The following CALM2 variants were observed in gnomAD, a reference collection of about 807,000 sequenced individuals.
CALM2 encodes calmodulin 2.
A neutral mutation model predicts 19.8 loss-of-function variants in CALM2; 2 were observed. The ratio of observed to expected loss-of-function variants is 0.10; its 90% confidence interval spans 0.04 to 0.32. CALM2 has a LOEUF of 0.32. CALM2 is among the 10% of genes least tolerant of loss of function. CALM2 has a pLI of 1.00. For synonymous variants in CALM2, 51 were observed against 52.1 expected, an observed-to-expected ratio of 0.98 and a Z score of 0.09; for missense variants, 38 against 178.7, an observed-to-expected ratio of 0.21 and a Z score of 4.49.
chr2:47,162,170 TCAAAAA>T (rs1687177195), intron 4 of CALM2, 110 bp downstream of exon 4: 1 of 154,364 alleles, frequency 6.5e-6, no homozygotes, highest in Non-Finnish European at 1.1e-5. Flanking sequence ...TGGTAAATCA[TCAAAAA>T]AAAAAAAAAA....
Position 47,164,414 on chromosome 2 carries a change from GT to G in CALM2, c.35-1753del, listed in dbSNP as rs772398737. ...CTGGGTGTGGCAGCGTGGGCCTGTA[GT>G]CCCCCGTCTCTATTAAAACACAAAC... On this transcript the variant is annotated intron_variant, in intron 2 of 5. Transcript: ENST00000272298. 3.6e-5 allele frequency among the ~76,000 whole-genome samples: 5 copies of G among 139,120 alleles called. No homozygotes were observed. In the South Asian group the frequency reaches 6.7e-4, roughly 19 times the overall value. The allele number at this position is 139,120 out of a possible 152,430, so 91.3% of individuals were successfully genotyped here. A position where few individuals can be genotyped will look rare whatever the true frequency, so the allele number is the denominator to read the frequency against.
intron 1 of CALM2, among the ~76,000 whole-genome samples, chr2:47,175,831 C>T (rs1274764646): frequency 6.8e-6 from 1 of 147,916 alleles, no homozygotes; most frequent in Non-Finnish European, 1.5e-5. Flanking sequence ...CCCGCCCCCA[C>T]CGGCCGCTCC....
chr2:47,167,779 CTAAA>C (rs1355545507), intron 2 of CALM2: 1 of 31,054 alleles, frequency 3.2e-5, no homozygotes, highest in African/African-American at 1.2e-4. Flanking sequence ...GCACTTACAA[CTAAA>C]AAAAAAAAAA....
chr2:47,176,104 C>CCTCT (rs1666858377), intron 1 of CALM2: 1 of 348,976 alleles, frequency 2.9e-6, no homozygotes. Flanking sequence ...CTCTACGCTC[C>CCTCT]CTCTCTCCCT....
Position 47,162,529 on chromosome 2 carries a change from T to C in CALM2, c.168A>G (p.Val56=), listed in dbSNP as rs1687190264. 2 of 1,614,072 alleles carry C rather than the reference T, an allele frequency of 1.2e-6. No individual in the cohort carries two copies. The highest frequency in any genetic ancestry group is 2.2e-5 in the South Asian group (2 of 91,088). Residue 56 remains valine (V), a synonymous_variant, in exon 3 of 6, where the codon GTA becomes GTG. Transcript: ENST00000272298. ...AAATTGAAGACTTACCATCAGCATC[T>C]ACTTCATTAATCATGTCCTGTAACT... ...EAELQDMINE[V]DADGNGTIDF... is the part of the protein sequence containing the mutation.
intron 2 of CALM2, among the ~76,000 whole-genome samples, chr2:47,166,300 T>A (rs1271882975): frequency 6.6e-6 from 1 of 152,250 alleles, no homozygotes; most frequent in Non-Finnish European, 1.5e-5. Context: ...GGTATTTGTT[T>A]ATATTACATT....
intron 2 of CALM2, among the ~76,000 whole-genome samples, chr2:47,165,826 T>C (rs1358402255): frequency 6.6e-6 from 1 of 152,198 alleles, no homozygotes; most frequent in African/African-American, 2.4e-5. Context: ...CTAAAGGTAC[T>C]AGCAAAAGCC....
intron 5 of CALM2, 149 bp downstream of exon 5, chr2:47,161,574 C>T: frequency 1.6e-6 from 1 of 638,598 alleles, no homozygotes; most frequent in South Asian, 2.3e-5. Context: ...GCAGACAACA[C>T]TCTGAATTTT....
intron 1 of CALM2, chr2:47,173,632 G>C (rs773887188): frequency 3.9e-5 from 6 of 152,192 alleles, no homozygotes; most frequent in Non-Finnish European, 7.3e-5. Flanking sequence ...TACTGTTGGA[G>C]TTTATCTAGT....
rs755994751 is a variant in CALM2 at position 47,176,428 on chromosome 2, G to A, written c.3+13C>T. The stretch of plus-strand genomic sequence containing the variant: ...CCACAGGCCCAGCGCCGGCAGCTCA[G>A]CGATGCACTCACCATGCTGCAAGCG... On this transcript the variant is annotated intron_variant, in intron 1 of 5. Coordinates refer to ENST00000272298, the MANE Select transcript of CALM2 (RefSeq NM_001743.6). 1.2e-6 allele frequency: 2 copies of A among 1,613,180 alleles called. No homozygotes were observed. The highest frequency in any genetic ancestry group is 1.7e-6 in the Non-Finnish European group (2 of 1,179,912).
chr2:47,172,372 CTCAG>C (rs1666698821), intron 1 of CALM2: 1 of 523,066 alleles, frequency 1.9e-6, no homozygotes, highest in African/African-American at 2.0e-5. Flanking sequence ...TACTCCTCCT[CTCAG>C]TCAACTTCAT....
chr2:47,162,468 C>A (rs768087618), intron 3 of CALM2, 51 bp downstream of exon 3: 1 of 1,611,772 alleles, frequency 6.2e-7, no homozygotes, highest in Non-Finnish European at 8.5e-7. Flanking sequence ...GTGGAAACAT[C>A]TAAGTATCAC....
chr2:47,176,873 AGCC>A (rs1666893123), upstream of CALM2: 2 of 985,396 alleles, frequency 2.0e-6, no homozygotes, highest in African/African-American at 1.7e-5. Flanking sequence ...TGGGACTCGC[AGCC>A]GCCGCCGGGA....
intron 2 of CALM2, among the ~76,000 whole-genome samples, chr2:47,169,146 T>C (rs1036697480): frequency 2.0e-5 from 3 of 152,174 alleles, no homozygotes; most frequent in Non-Finnish European, 4.4e-5. Flanking sequence ...TGAGTAACGT[T>C]TTCTACCCTA....
upstream of CALM2, chr2:47,176,661 G>T: frequency 6.9e-7 from 1 of 1,458,430 alleles, no homozygotes; most frequent in African/African-American, 1.4e-5. Flanking sequence ...CAGTTATTTG[G>T]TCGATGAGGC....
chr2:47,170,039 T>C (rs1244573134), intron 2 of CALM2, among the ~76,000 whole-genome samples: 1 of 151,928 alleles, frequency 6.6e-6, no homozygotes, highest in Non-Finnish European at 1.5e-5. Flanking sequence ...CATCTCAATG[T>C]ACAAGGATAA....
Position 47,167,814 on chromosome 2 carries a change from C to CCTTTTTTTTTTTTTTTTTTTTTTT in CALM2, c.34+2919_34+2920insAAAAAAAAAAAAAAAAAAAAAAAG, listed in dbSNP as rs775532408. 2.2e-4 allele frequency: 21 copies of CCTTTTTTTTTTTTTTTTTTTTTTT among 96,482 alleles called. 3 individuals are homozygous for CCTTTTTTTTTTTTTTTTTTTTTTT. The highest frequency in any genetic ancestry group is 1.2e-3 in the African/African-American group (21 of 17,920). 6.0% of individuals were successfully genotyped at this position (96,482 alleles called of 1,614,324 possible). A position where few individuals can be genotyped will look rare whatever the true frequency, so the allele number is the denominator to read the frequency against. On this transcript the variant is annotated intron_variant, in intron 2 of 5. Transcript: ENST00000272298. ...AAAAAAAAAAATTTTTTTTTCTTTT[C>CCTTTTTTTTTTTTTTTTTTTTTTT]TTTGAGACAGGGTCTTGCTGTGTTG...
intron 1 of CALM2, among the ~76,000 whole-genome samples, chr2:47,175,536 G>A (rs997278616): frequency 2.6e-5 from 4 of 152,146 alleles, no homozygotes; most frequent in African/African-American, 9.7e-5. Context: ...TGACTTCAAG[G>A]GTAAGACTAA....
chr2:47,164,675 G>C (rs1490188468), intron 2 of CALM2, among the ~76,000 whole-genome samples: 3 of 151,538 alleles, frequency 2.0e-5, no homozygotes, highest in African/African-American at 7.3e-5. Context: ...AAATAATAAA[G>C]CTAGTATTTT....
Sources: gnomAD v4.1 joint callset for allele counts (sites outside exome capture counted in the v4.1 genomes callset) on GRCh38, gnomAD v4.1.1 for gene constraint, MANE v1.5 for transcripts, NCBI Gene and HGNC (gene_info 2026-07-23, HGNC 2026-07-21) for gene names.